The following RAD51B variants were observed in gnomAD, a reference collection of about 807,000 sequenced individuals.
The protein encoded by RAD51B is DNA repair protein RAD51 homolog 2.
Under a neutral mutation model 42.2 loss-of-function variants are expected in RAD51B, and 38 were observed. The observed-to-expected ratio is 0.90, with a 90% confidence interval of 0.70 to 1.18. The LOEUF is 1.18. RAD51B is among the 50% of genes most tolerant of loss of function. The probability of loss-of-function intolerance (pLI) is 0.00; values close to 1 mark genes in which losing one functional copy is unlikely to be tolerated. For missense variants in RAD51B, 373 were observed against 400.7 expected (o/e 0.93, Z 0.59); for synonymous variants, 154 against 145.2 (o/e 1.06, Z -0.43).
At chr14:68,174,245 C>T (rs1283531176) in intron 7 of RAD51B, among the ~76,000 whole-genome samples, 1 of 151,904 alleles carries the variant, frequency 6.6e-6, no homozygotes, top group Non-Finnish European at 1.5e-5. Flanking sequence ...CTAAGGCAGG[C>T]TGTGGTGGTT....
At chr14:68,410,764 G>A (rs768820056) in intron 8 of RAD51B, among the ~76,000 whole-genome samples, 1 of 152,158 alleles carries the variant, frequency 6.6e-6, no homozygotes, top group African/African-American at 2.4e-5. Context: ...AAGCTTTGGA[G>A]ATGTAAGATG....
intron 8 of RAD51B, among the ~76,000 whole-genome samples, chr14:68,410,306 GA>G (rs1044359498): frequency 6.6e-6 from 1 of 150,752 alleles, no homozygotes. Context: ...GTCTGCCCTG[GA>G]AAAAAAAAGA....
chr14:68,103,451 A>G (rs2077325319), intron 7 of RAD51B, among the ~76,000 whole-genome samples: 1 of 152,214 alleles, frequency 6.6e-6, no homozygotes, highest in Non-Finnish European at 1.5e-5. Flanking sequence ...GAAGTGGCCC[A>G]GAGGCAGGCA....
At chr14:68,362,885 ATGT>A (rs2083060441) in intron 8 of RAD51B, among the ~76,000 whole-genome samples, 2 of 151,988 alleles carry the variant, frequency 1.3e-5, no homozygotes, top group Admixed American at 6.6e-5. Context: ...ACGAACAGAA[ATGT>A]TGTTAGCTCC....
At chr14:68,167,649 A>G (rs1302252251) in intron 7 of RAD51B, among the ~76,000 whole-genome samples, 1 of 151,808 alleles carries the variant, frequency 6.6e-6, no homozygotes, top group East Asian at 1.9e-4. Context: ...TACTCAGATT[A>G]AGATTTGATG....
chr14:68,383,971 C>T (rs2083537234), intron 8 of RAD51B, among the ~76,000 whole-genome samples: 1 of 152,196 alleles, frequency 6.6e-6, no homozygotes, highest in Non-Finnish European at 1.5e-5. Flanking sequence ...CAGGTTGCCC[C>T]TGAGAGGGTC....
At chr14:68,580,568 C>A (rs1289059433) in intron 10 of RAD51B, among the ~76,000 whole-genome samples, 1 of 152,102 alleles carries the variant, frequency 6.6e-6, no homozygotes, top group African/African-American at 2.4e-5. Flanking sequence ...TTTATTCCAC[C>A]CCTGCTGCTC....
At chr14:68,431,065 G>C (rs922457364) in intron 9 of RAD51B, among the ~76,000 whole-genome samples, 1 of 152,102 alleles carries the variant, frequency 6.6e-6, no homozygotes, top group African/African-American at 2.4e-5. Flanking sequence ...ATTGATTTTT[G>C]TATGTTGAAC....
At chr14:67,907,181 A>G (rs1166807975) in intron 7 of RAD51B, among the ~76,000 whole-genome samples, 3 of 151,846 alleles carry the variant, frequency 2.0e-5, no homozygotes, top group Non-Finnish European at 4.4e-5. Flanking sequence ...TCAAAGGGCC[A>G]GCTTTTGGTT....
chr14:68,580,567 C>G (rs1465005207), intron 10 of RAD51B, among the ~76,000 whole-genome samples: 1 of 152,168 alleles, frequency 6.6e-6, no homozygotes, highest in Non-Finnish European at 1.5e-5. Flanking sequence ...CTTTATTCCA[C>G]CCCTGCTGCT....
chr14:68,169,080 A>G (rs903003859), intron 7 of RAD51B, among the ~76,000 whole-genome samples: 3 of 152,146 alleles, frequency 2.0e-5, no homozygotes, highest in Admixed American at 6.6e-5. Context: ...CCTAATCACT[A>G]TAACAGCACT....
intron 5 of RAD51B, among the ~76,000 whole-genome samples, chr14:67,885,041 C>T (rs1256294107): frequency 6.6e-6 from 1 of 152,156 alleles, no homozygotes; most frequent in Admixed American, 6.5e-5. Context: ...ACAGCCTCTC[C>T]TCCCAGTTCC....
intron 4 of RAD51B, among the ~76,000 whole-genome samples, chr14:67,850,814 C>A (rs1594999670): frequency 6.6e-6 from 1 of 152,256 alleles, no homozygotes; most frequent in Middle Eastern, 3.4e-3. Flanking sequence ...GGGTGCTACA[C>A]AAGCCCCTTC....
intron 7 of RAD51B, among the ~76,000 whole-genome samples, chr14:68,208,055 G>A (rs908639041): frequency 6.6e-6 from 1 of 151,798 alleles, no homozygotes; most frequent in Non-Finnish European, 1.5e-5. Context: ...GCTATTTTTA[G>A]GGAAACTCAT....
chr14:68,601,322 C>T (rs2140094217), intron 10 of RAD51B, among the ~76,000 whole-genome samples: 1 of 152,208 alleles, frequency 6.6e-6, no homozygotes, highest in East Asian at 1.9e-4. Context: ...AGGACATCTG[C>T]CTGGCTCACC....
chr14:68,122,083 A>G (rs1338856059), intron 7 of RAD51B, among the ~76,000 whole-genome samples: 1 of 152,162 alleles, frequency 6.6e-6, no homozygotes, highest in Non-Finnish European at 1.5e-5. Flanking sequence ...CCAAAAATAA[A>G]TCCTTGGGGG....
intron 11 of RAD51B, among the ~76,000 whole-genome samples, chr14:68,657,040 G>T (rs866933131): frequency 1.3e-5 from 2 of 152,154 alleles, no homozygotes; most frequent in Non-Finnish European, 2.9e-5. Flanking sequence ...TTTCTACATA[G>T]AAGTTTCTAC....
chr14:68,568,670 G>C (rs1456469766), intron 10 of RAD51B, among the ~76,000 whole-genome samples: 1 of 152,116 alleles, frequency 6.6e-6, no homozygotes, highest in Non-Finnish European at 1.5e-5. Context: ...CAGTGGAATT[G>C]GATCCCTCTA....
At chr14:68,494,668 A>AT (rs1346373253) in intron 10 of RAD51B, among the ~76,000 whole-genome samples, 9 of 152,090 alleles carry the variant, frequency 5.9e-5, no homozygotes, top group African/African-American at 2.2e-4. Context: ...TTTCATCTCC[A>AT]ATTCCTGCCA....
Sources: gnomAD v4.1 joint callset for allele counts (sites outside exome capture counted in the v4.1 genomes callset) on GRCh38, gnomAD v4.1.1 for gene constraint, MANE v1.5 for transcripts, NCBI Gene and HGNC (gene_info 2026-07-23, HGNC 2026-07-21) for gene names.